CPO: variants seen among roughly 807,000 people sequenced by gnomAD.
CPO encodes metallocarboxypeptidase C.
In CPO, 43 loss-of-function variants were observed where a neutral mutation model predicts 41.2. The observed-to-expected ratio is 1.04, with a 90% CI of 0.82 to 1.35. CPO has a LOEUF of 1.35. Ranked by LOEUF, CPO falls within the 40% of genes most tolerant of loss-of-function variation. The probability of loss-of-function intolerance (pLI) is 0.00; values close to 1 mark genes in which losing one functional copy is unlikely to be tolerated. For synonymous variants in CPO, 178 were observed against 162.7 expected, an observed-to-expected ratio of 1.09 and a Z score of -0.72; for missense variants, 408 against 451.7, an observed-to-expected ratio of 0.90 and a Z score of 0.88.
chr2:206,962,437 A>G lies in CPO; in HGVS notation c.600A>G (p.Gln200=), dbSNP rs770374701. 1.2e-6 allele frequency: 2 copies of G among 1,614,166 alleles called. No homozygotes were observed. Among genetic ancestry groups the G allele is most frequent in the Non-Finnish European group, 1.7e-6 (2 of 1,179,988 alleles). ...WCSIGASRNC[Q]DQTFCGTGPV... is the part of the protein sequence containing the mutation. The stretch of plus-strand genomic sequence containing the variant: ...GTATTGGTGCCTCTAGAAACTGCCA[A>G]GATCAAACATTCTGTGGGACAGGGC... Residue 200 remains glutamine, a synonymous_variant, in exon 7 of 9, where the codon CAA becomes CAG. Transcript: ENST00000272852.
chr2:206,958,483 C>T lies in CPO; in HGVS notation c.372+78C>T, dbSNP rs769737028. On this transcript the variant is annotated intron_variant, in intron 4 of 8. Transcript: ENST00000272852. Reference sequence around the variant, plus strand: ...TCACTTCTTGGCTGCTTACAAACCACGCTTCTTTCACATGTTAGTGATGCA... The same window carrying T: ...TCACTTCTTGGCTGCTTACAAACCATGCTTCTTTCACATGTTAGTGATGCA... 423 of 732,694 alleles carry T rather than the reference C, an allele frequency of 5.8e-4. 1 individual carries two copies. The highest frequency in any genetic ancestry group is 2.7e-3 in the Middle Eastern group (11 of 4,106). 45.4% of individuals were successfully genotyped at this position (732,694 alleles called of 1,614,324 possible).
intron 7 of CPO, among the ~76,000 whole-genome samples, chr2:206,967,337 A>C (rs1288303596): frequency 2.7e-4 from 22 of 80,528 alleles, no homozygotes; most frequent in African/African-American, 9.1e-4. Flanking sequence ...AATGCTATAT[A>C]TATATATATA....
intron 6 of CPO, among the ~76,000 whole-genome samples, chr2:206,961,935 A>T (rs1159415426): frequency 6.7e-6 from 1 of 149,460 alleles, no homozygotes; most frequent in Admixed American, 6.6e-5. Flanking sequence ...TACTAAAAAT[A>T]CCAAAAAAAA....
intron 1 of CPO, among the ~76,000 whole-genome samples, chr2:206,945,877 A>C (rs34141317): frequency 1.5e-4 from 23 of 151,774 alleles, no homozygotes; most frequent in Non-Finnish European, 2.9e-4. Flanking sequence ...CGGAGGTTGC[A>C]GTCAGCCGAG....
intron 1 of CPO, 82 bp downstream of exon 1, chr2:206,939,749 G>A: frequency 5.8e-6 from 7 of 1,204,136 alleles, no homozygotes; most frequent in Non-Finnish European, 7.2e-6. Flanking sequence ...GACCAATGCA[G>A]CTGGCTTCTC....
In CPO at chr2:206,967,331, C is replaced by CTATATATA. The variant is rs200615925; in HGVS notation, c.778-919_778-912dup. Among the ~76,000 whole-genome samples, 33 of 118,510 alleles carry CTATATATA rather than the reference C, an allele frequency of 2.8e-4. 1 individual carries two copies. Among genetic ancestry groups the CTATATATA allele is most frequent in the African/African-American group, 1.1e-3 (31 of 28,656 alleles). 77.7% of individuals were successfully genotyped at this position (118,510 alleles called of 152,430 possible). Reference sequence around the variant, plus strand: ...GGGTATGACTTCCAGCTCTGAAATGCTATATATATATATATATATAGATAT... The same window carrying CTATATATA: ...GGGTATGACTTCCAGCTCTGAAATGCTATATATATATATATATATATATATATAGATAT... On this transcript the variant is annotated intron_variant, in intron 7 of 8. Transcript: ENST00000272852.
intron 1 of CPO, among the ~76,000 whole-genome samples, chr2:206,941,431 C>A (rs1693028122): frequency 6.6e-6 from 1 of 151,936 alleles, no homozygotes; most frequent in Non-Finnish European, 1.5e-5. Flanking sequence ...TAATTGTTAT[C>A]TTTGGTTGGT....
chr2:206,946,231 A>T (rs1427356033), intron 1 of CPO, among the ~76,000 whole-genome samples: 1 of 152,170 alleles, frequency 6.6e-6, no homozygotes, highest in African/African-American at 2.4e-5. Flanking sequence ...AAAATCTTCA[A>T]TGAAATAGTA....
chr2:206,962,315 C>G, intron 6 of CPO, 97 bp from the exon 7 acceptor site: 2 of 1,044,920 alleles, frequency 1.9e-6, no homozygotes, highest in Non-Finnish European at 2.9e-6. Context: ...AGCGCTGATT[C>G]TACTCACAGA....
chr2:206,939,709 G>A, intron 1 of CPO, 42 bp downstream of exon 1: 1 of 1,554,172 alleles, frequency 6.4e-7, no homozygotes, highest in Non-Finnish European at 8.9e-7. Context: ...TTATAATTTA[G>A]ATTGTCTAAA....
In CPO at chr2:206,939,630, T is replaced by C. The variant is rs1221844139; in HGVS notation, c.31T>C (p.Leu11=). The change falls in exon 1 of 9, where the codon TTG becomes CTG. Residue 11 remains leucine (L), a synonymous_variant. Coordinates refer to ENST00000272852, the MANE Select transcript of CPO (RefSeq NM_173077.3). MKPLLETLYL[L]GMLVPGGLGY... ...GCCTCTGCTTGAAACCCTTTATCTT[T>C]TGGGGATGCTGGTTCCTGGAGGGCT... 2.5e-6 allele frequency: 4 copies of C among 1,611,146 alleles called. No individual in the cohort carries two copies. The highest frequency in any genetic ancestry group is 3.4e-6 in the Non-Finnish European group (4 of 1,177,976).
chr2:206,946,381 A>G (rs756599837), intron 1 of CPO, among the ~76,000 whole-genome samples: 1 of 152,174 alleles, frequency 6.6e-6, no homozygotes, highest in Non-Finnish European at 1.5e-5. Context: ...AAGAAACATA[A>G]CATGATTATA....
chr2:206,957,820 T>C (rs1330011123), intron 3 of CPO, among the ~76,000 whole-genome samples: 2 of 152,156 alleles, frequency 1.3e-5, no homozygotes, highest in Non-Finnish European at 2.9e-5. Context: ...AAGGGGAATT[T>C]GTGTAATTGA....
chr2:206,967,156 A>C (rs992058109), intron 7 of CPO, among the ~76,000 whole-genome samples: 7 of 152,162 alleles, frequency 4.6e-5, no homozygotes, highest in Admixed American at 1.3e-4. Context: ...ACACATGTTT[A>C]GGCTGGGGAA....
chr2:206,966,849 C>T (rs985141259), intron 7 of CPO, among the ~76,000 whole-genome samples: 2 of 152,210 alleles, frequency 1.3e-5, no homozygotes, highest in Admixed American at 1.3e-4. Context: ...TATGATCCCC[C>T]CAACTTCCTT....
At chr2:206,953,121 A>T (rs1693296290) in intron 2 of CPO, among the ~76,000 whole-genome samples, 1 of 152,194 alleles carries the variant, frequency 6.6e-6, no homozygotes, top group Non-Finnish European at 1.5e-5. Flanking sequence ...ACCAAACCAT[A>T]TATTCCACCG....
intron 3 of CPO, 83 bp downstream of exon 3, chr2:206,955,647 A>G: frequency 1.2e-6 from 1 of 839,834 alleles, no homozygotes; most frequent in East Asian, 2.4e-5. Context: ...TCTAATCAGA[A>G]GTGTGGAAAA....
In CPO at chr2:206,958,413, TCTTTAG is replaced by T. The variant is rs1367668145; in HGVS notation, c.372+13_372+18del. 1 of 1,464,968 alleles carries T rather than the reference TCTTTAG, an allele frequency of 6.8e-7. No homozygotes were observed. Among genetic ancestry groups the T allele is most frequent in the African/African-American group, 1.4e-5 (1 of 71,434 alleles). The allele number at this position is 1,464,968 out of a possible 1,614,324, so 90.7% of individuals were successfully genotyped here. ...CAATGGTTCGTCAAAGAAGTAAGTGTCTTTAGCTTTCTCATACTGGTAAATCACCCC... is the reference window on the plus strand; with the variant it reads ...CAATGGTTCGTCAAAGAAGTAAGTGTCTTTCTCATACTGGTAAATCACCCC... On this transcript the variant is annotated intron_variant, in intron 4 of 8. Transcript: ENST00000272852.
intron 2 of CPO, among the ~76,000 whole-genome samples, chr2:206,951,437 A>C (rs186441080): frequency 5.2e-4 from 79 of 152,344 alleles, no homozygotes; most frequent in Middle Eastern, 6.8e-3. Flanking sequence ...TGGGTCAAAG[A>C]ATACACATGT....
Sources: allele counts gnomAD v4.1 joint callset (sites outside exome capture counted in the v4.1 genomes callset), GRCh38; gene constraint gnomAD v4.1.1; transcripts MANE v1.5; gene names NCBI Gene and HGNC (gene_info 2026-07-23, HGNC 2026-07-21).